The following USH2A variants were observed in gnomAD, a reference collection of about 807,000 sequenced individuals.
USH2A encodes Usher syndrome 2A (autosomal recessive, mild).
USH2A carries 443 observed loss-of-function variants against 538.9 expected under a neutral mutation model. The ratio of observed to expected loss-of-function variants is 0.82; its 90% confidence interval spans 0.76 to 0.89. The LOEUF is 0.89. Ranked by LOEUF, USH2A falls within the 40% of genes least tolerant of loss-of-function variation. The pLI is 0.00. For synonymous variants in USH2A, 2,413 were observed against 2,273.5 expected (o/e 1.06, Z -1.75); for missense variants, 6,633 against 6,324.8 (o/e 1.05, Z -1.65).
At chr1:216,219,700 ACT>A in intron 14 of USH2A, among the ~76,000 whole-genome samples, 1 of 152,214 alleles carries the variant, frequency 6.6e-6, no homozygotes, top group Non-Finnish European at 1.5e-5. Context: ...TATTACACTG[ACT>A]CTCTTGGTAC....
At chr1:215,708,162 T>C (rs1659237085) in intron 61 of USH2A, among the ~76,000 whole-genome samples, 1 of 152,220 alleles carries the variant, frequency 6.6e-6, no homozygotes, top group Non-Finnish European at 1.5e-5. Context: ...TTTTTTATAA[T>C]GGAGACTCTG....
At chr1:215,874,026 A>G (rs1355402246) in intron 43 of USH2A, among the ~76,000 whole-genome samples, 1 of 152,198 alleles carries the variant, frequency 6.6e-6, no homozygotes, top group Non-Finnish European at 1.5e-5. Context: ...TATTCTTAGC[A>G]GTTTTATCTG....
At chr1:216,231,258 T>A (rs1347545960) in intron 14 of USH2A, among the ~76,000 whole-genome samples, 4 of 100,300 alleles carry the variant, frequency 4.0e-5, no homozygotes, top group African/African-American at 1.0e-4. Flanking sequence ...ATTATATATA[T>A]AATATATATA....
chr1:216,030,200 C>A (rs189032952), intron 32 of USH2A, among the ~76,000 whole-genome samples: 18,770 of 135,852 alleles, frequency 0.14, 1,340 homozygotes, highest in Middle Eastern at 0.22. Flanking sequence ...ATATATAGAT[C>A]TACATCACAC....
intron 32 of USH2A, among the ~76,000 whole-genome samples, chr1:216,018,978 T>C (rs758317451): frequency 1.4e-4 from 22 of 152,182 alleles, no homozygotes; most frequent in South Asian, 2.1e-4. Flanking sequence ...AAGCTATCAA[T>C]AGATATTTAT....
chr1:215,700,822 G>A (rs949901334), intron 61 of USH2A, among the ~76,000 whole-genome samples: 1 of 151,750 alleles, frequency 6.6e-6, no homozygotes, highest in Non-Finnish European at 1.5e-5. Flanking sequence ...TTCTGCTCTC[G>A]TCTTAATTAT....
At chr1:216,059,878 A>G (rs142800552) in intron 30 of USH2A, among the ~76,000 whole-genome samples, 108 of 152,290 alleles carry the variant, frequency 7.1e-4, no homozygotes, top group African/African-American at 2.4e-3. Context: ...GAAATGCAGA[A>G]TCTAACACCA....
intron 41 of USH2A, among the ~76,000 whole-genome samples, chr1:215,879,333 C>T (rs553097339): frequency 1.6e-4 from 25 of 152,284 alleles, no homozygotes; most frequent in Admixed American, 7.2e-4. Flanking sequence ...CCACTTTCTA[C>T]GACTGTCAGA....
At chr1:216,322,633 A>C (rs949975542) in intron 8 of USH2A, among the ~76,000 whole-genome samples, 2 of 151,816 alleles carry the variant, frequency 1.3e-5, no homozygotes, top group South Asian at 2.1e-4. Flanking sequence ...AAGAAAAAAG[A>C]ATATAAAGTT....
At chr1:215,977,378 T>C (rs1667646372) in intron 35 of USH2A, among the ~76,000 whole-genome samples, 1 of 152,184 alleles carries the variant, frequency 6.6e-6, no homozygotes, top group Non-Finnish European at 1.5e-5. Context: ...ATGTTGTACC[T>C]CTGTTTTCAT....
chr1:215,987,481 G>C (rs1219174415), intron 35 of USH2A, among the ~76,000 whole-genome samples: 1 of 152,176 alleles, frequency 6.6e-6, no homozygotes, highest in East Asian at 1.9e-4. Context: ...TTGCCAGAGG[G>C]AACGTGGGTG....
chr1:216,307,151 C>T (rs901742338), intron 9 of USH2A, among the ~76,000 whole-genome samples: 2 of 152,026 alleles, frequency 1.3e-5, no homozygotes, highest in Non-Finnish European at 2.9e-5. Context: ...TGTCCTTTGT[C>T]TGGCTACGAG....
At chr1:216,220,562 G>A (rs2035437033) in intron 14 of USH2A, among the ~76,000 whole-genome samples, 1 of 150,434 alleles carries the variant, frequency 6.6e-6, no homozygotes, top group African/African-American at 2.4e-5. Flanking sequence ...AAGATGAGTA[G>A]AAATAAGCCA....
At chr1:216,194,083 T>G (rs1416639381) in intron 19 of USH2A, 3 of 152,168 alleles carry the variant, frequency 2.0e-5, no homozygotes, top group Non-Finnish European at 2.9e-5. Context: ...CCTCCTGTAC[T>G]CAGTCCTCTA....
chr1:215,734,773 A>G (rs766555018), intron 60 of USH2A, among the ~76,000 whole-genome samples: 6 of 152,232 alleles, frequency 3.9e-5, no homozygotes, highest in Non-Finnish European at 7.3e-5. Flanking sequence ...TTGCTAGGGC[A>G]TAACAAGGGT....
chr1:215,748,716 C>T (rs1011314087), intron 58 of USH2A, among the ~76,000 whole-genome samples: 7 of 152,254 alleles, frequency 4.6e-5, no homozygotes, highest in African/African-American at 7.2e-5. Flanking sequence ...ATTTCCCAAG[C>T]GACCACTGGC....
intron 4 of USH2A, among the ~76,000 whole-genome samples, chr1:216,343,466 C>T (rs890641764): frequency 6.7e-6 from 1 of 148,916 alleles, no homozygotes; most frequent in Non-Finnish European, 1.5e-5. Flanking sequence ...CTTGAGACTG[C>T]ACTAGGATAC....
At chr1:216,045,531 A>T (rs2030473178) in intron 32 of USH2A, among the ~76,000 whole-genome samples, 2 of 152,178 alleles carry the variant, frequency 1.3e-5, no homozygotes, top group Admixed American at 1.3e-4. Context: ...GTACAGAAGT[A>T]ATTACTGTCA....
intron 67 of USH2A, 53 bp from the exon 68 acceptor site, chr1:215,640,787 CAGGT>C: frequency 6.5e-7 from 1 of 1,535,366 alleles, no homozygotes. Context: ...TGAAGGAGTG[CAGGT>C]GTGCACTTTA....
Sources: allele counts gnomAD v4.1 joint callset (sites outside exome capture counted in the v4.1 genomes callset), GRCh38; gene constraint gnomAD v4.1.1; transcripts MANE v1.5; gene names NCBI Gene and HGNC (gene_info 2026-07-23, HGNC 2026-07-21).